The following GLYR1 variants were observed in gnomAD, a reference collection of about 807,000 sequenced individuals.
GLYR1 encodes cytokine-like nuclear factor N-PAC.
A neutral mutation model predicts 72.7 loss-of-function variants in GLYR1; 21 were observed. The observed-to-expected ratio is 0.29, with a 90% CI of 0.20 to 0.42. The LOEUF is 0.42. Ranked by LOEUF, GLYR1 falls within the 10% of genes least tolerant of loss-of-function variation. The pLI, the probability that GLYR1 is intolerant of heterozygous loss-of-function variation, is 1.00. For missense variants in GLYR1, 594 were observed against 712.1 expected, an observed-to-expected ratio of 0.83 and a Z score of 1.89; for synonymous variants, 392 against 270.2, an observed-to-expected ratio of 1.45 and a Z score of -4.42.
chr16:4,806,262 C>G (rs1300359259), intron 15 of GLYR1, among the ~76,000 whole-genome samples: 1 of 152,204 alleles, frequency 6.6e-6, no homozygotes, highest in Admixed American at 6.5e-5. Context: ...TTGAGAAACC[C>G]TGCCTTAAAG....
intron 5 of GLYR1, 68 bp downstream of exon 5, chr16:4,831,911 T>C (rs1328596887): frequency 4.5e-6 from 7 of 1,559,080 alleles, no homozygotes; most frequent in South Asian, 2.5e-5. Flanking sequence ...AAGCATACTG[T>C]AGAGCTTAAC....
chr16:4,832,298 T>C lies in GLYR1; in HGVS notation c.295-77A>G, dbSNP rs1416685361. On this transcript the variant is annotated intron_variant, in intron 4 of 15. Coordinates refer to ENST00000321919, the MANE Select transcript of GLYR1 (RefSeq NM_032569.4). ...TCGCCACCATCATTTACAGGTGCCA[T>C]GTGCTGCTACAGGCACTCTGTGTGG... 8 of 1,550,466 alleles carry C rather than the reference T, an allele frequency of 5.2e-6. No individual in the cohort carries two copies. In the South Asian group the frequency reaches 9.4e-5, roughly 18 times the overall value.
chr16:4,825,566 C>G (rs146734812), intron 5 of GLYR1, among the ~76,000 whole-genome samples: 327 of 152,316 alleles, frequency 2.1e-3, no homozygotes, highest in African/African-American at 7.6e-3. Flanking sequence ...ATAGGGCTTA[C>G]TATGTGCTAG....
Position 4,823,886 on chromosome 16 carries a change from T to C in GLYR1, c.559A>G (p.Ser187Gly). 6.2e-7 allele frequency: 1 copy of C among 1,614,048 alleles called. No homozygotes were observed. Among genetic ancestry groups the C allele is most frequent in the African/African-American group, 1.3e-5 (1 of 75,050 alleles). The change falls in exon 6 of 16, where the codon AGT becomes GGT. Residue 187 changes from serine (S) to glycine (G), a missense_variant. This residue lies in a region of GLYR1 where 252 missense variants were observed against 211.3 expected (regional missense o/e 1.19). Transcript: ENST00000321919. ...CCGGCCATCATCCCCTTCACGGTAC[T>C]AGACTCCGGGATGGTGAGATCCTAT... ...DEKDLTIPES[S>G]TVKGMMAGPM...
intron 5 of GLYR1, among the ~76,000 whole-genome samples, chr16:4,826,239 T>C (rs1392181474): frequency 1.3e-5 from 2 of 152,154 alleles, no homozygotes; most frequent in Non-Finnish European, 2.9e-5. Context: ...TTTTTGTAGA[T>C]GTATTATTTA....
intron 5 of GLYR1, among the ~76,000 whole-genome samples, chr16:4,827,667 G>A (rs774036709): frequency 2.8e-4 from 43 of 152,004 alleles, no homozygotes; most frequent in South Asian, 2.1e-4. Flanking sequence ...TTGGGAGGCC[G>A]AGGCAGGTGG....
At chr16:4,834,612 T>C (rs1438340047) in intron 3 of GLYR1, among the ~76,000 whole-genome samples, 1 of 152,130 alleles carries the variant, frequency 6.6e-6, no homozygotes, top group African/African-American at 2.4e-5. Context: ...ACTACAGGTA[T>C]GCACCACCAC....
chr16:4,828,992 T>C (rs941469389), intron 5 of GLYR1, among the ~76,000 whole-genome samples: 6 of 152,136 alleles, frequency 3.9e-5, no homozygotes, highest in Non-Finnish European at 8.8e-5. Context: ...AGATTCCTTT[T>C]GGATTCCAGG....
At chr16:4,818,005 T>G in intron 9 of GLYR1, 1 of 256,848 alleles carries the variant, frequency 3.9e-6, no homozygotes. Context: ...TGCTGCCCTT[T>G]TTTTTTTTTT....
chr16:4,817,683 C>A lies in GLYR1; in HGVS notation c.821G>T (p.Gly274Val). ...TPTDKKIGFLGLGLMGSGIVS... is the reference protein window; with the variant it reads ...TPTDKKIGFLVLGLMGSGIVS... Reference sequence around the variant, plus strand: ...GATTCCACTTCCCATGAGACCAAGGCCCAAAAATCCTATCCTGAAACAGAG... The same window carrying A: ...GATTCCACTTCCCATGAGACCAAGGACCAAAAATCCTATCCTGAAACAGAG... The change falls in exon 10 of 16, where the codon GGC becomes GTC. Residue 274 changes from glycine to valine, a missense_variant. By Grantham distance (109) the Gly-to-Val change is moderately radical (BLOSUM62 -3). Transcript: ENST00000321919. 6.2e-7 allele frequency: 1 copy of A among 1,610,340 alleles called. No homozygotes were observed. Among genetic ancestry groups the A allele is most frequent in the Non-Finnish European group, 8.5e-7 (1 of 1,176,612 alleles).
At position 4,813,617 on chromosome 16, in the gene GLYR1, C is replaced by A. The variant is rs1013355899; in HGVS notation, c.1119+120G>T. On this transcript the variant is annotated intron_variant, in intron 12 of 15. Transcript: ENST00000321919. ...GATAGGCTAGTCCCAAGGCTACTCG[C>A]CTCTCCTCTTCCCTCTCTGGCTTTG... The A allele has an allele frequency of 1.5e-5, 13 of 845,990 alleles. No homozygotes were observed. The African/African-American group carries it at 2.0e-4, about 13-fold the overall frequency. The allele number at this position is 845,990 out of a possible 1,614,324, so 52.4% of individuals were successfully genotyped here.
At position 4,837,935 on chromosome 16, in the gene GLYR1, AT is replaced by A. The variant is rs2085263608; in HGVS notation, c.156-5024del. Among the ~76,000 whole-genome samples, 439 of 65,650 alleles carry A rather than the reference AT, an allele frequency of 6.7e-3. 3 individuals are homozygous for A. Among genetic ancestry groups the A allele is most frequent in the Non-Finnish European group, 8.8e-3 (297 of 33,722 alleles). The allele number at this position is 65,650 out of a possible 152,430, so 43.1% of individuals were successfully genotyped here. ...ACAGAGCGAGACTCCATCTCAAAAA[AT>A]AAATAAATAAATAAATAAATAAATA... On this transcript the variant is annotated intron_variant, in intron 3 of 15. Transcript: ENST00000321919.
chr16:4,840,173 C>G (rs2085445223), intron 3 of GLYR1: 1 of 152,528 alleles, frequency 6.6e-6, no homozygotes, highest in African/African-American at 2.4e-5. Flanking sequence ...GCTCCTCACC[C>G]TGGTCCTAAC....
At chr16:4,829,479 T>C (rs947935131) in intron 5 of GLYR1, among the ~76,000 whole-genome samples, 3 of 151,484 alleles carry the variant, frequency 2.0e-5, no homozygotes, top group Non-Finnish European at 4.4e-5. Context: ...CTAGTACTTT[T>C]TGTTTCTTTT....
At chr16:4,811,846 A>T (rs1033049328) in intron 13 of GLYR1, 44 bp from the exon 14 acceptor site, 1 of 1,581,438 alleles carries the variant, frequency 6.3e-7, no homozygotes, top group Admixed American at 1.8e-5. Context: ...AGAATGCCAC[A>T]GACAGGGCTT....
At position 4,814,651 on chromosome 16, in the gene GLYR1, C is replaced by T. The variant is rs1476034142; in HGVS notation, c.907-4G>A. The T allele has an allele frequency of 6.2e-7, 1 of 1,606,038 alleles. No homozygotes were observed. The highest frequency in any genetic ancestry group is 8.5e-7 in the Non-Finnish European group (1 of 1,172,758). On this transcript the variant is annotated splice_polypyrimidine_tract_variant and splice_region_variant and intron_variant, in intron 10 of 15. Coordinates refer to ENST00000321919, the MANE Select transcript of GLYR1 (RefSeq NM_032569.4). ...CCTCCTGGATGAACAAATCACACTG[C>T]AAAAGTCACAGATCCTAACGTGAGC... is the stretch of plus-strand genomic sequence containing the variant.
rs1305776065 is a variant in GLYR1, at chr16:4,818,134, A to G, written c.807-437T>C. On this transcript the variant is annotated intron_variant, in intron 9 of 15. Coordinates refer to ENST00000321919, the MANE Select transcript of GLYR1 (RefSeq NM_032569.4). ...CTCAGCTTTCTGAGTAGCTGGGATTACAGGCGCACGCCACCATGCCCAGCT... is the reference window on the plus strand; with the variant it reads ...CTCAGCTTTCTGAGTAGCTGGGATTGCAGGCGCACGCCACCATGCCCAGCT... Among the ~76,000 whole-genome samples, 3 of 151,928 alleles carry G rather than the reference A, an allele frequency of 2.0e-5. No individual in the cohort carries two copies. In the East Asian group the frequency reaches 5.8e-4, roughly 29 times the overall value.
At position 4,831,948 on chromosome 16, in the gene GLYR1, T is replaced by C. The variant is rs749184476; in HGVS notation, c.537+31A>G. The C allele has an allele frequency of 1.2e-5, 20 of 1,605,014 alleles. No individual in the cohort carries two copies. In the East Asian group the frequency reaches 3.1e-4, roughly 25 times the overall value. ...CTACCTTGTACTAAAAGGACATCAC[T>C]AATCCCGGAAGCTGCAGAGAGAAAA... On this transcript the variant is annotated intron_variant, in intron 5 of 15. Transcript: ENST00000321919.
At chr16:4,817,929 C>A (rs1231304970) in intron 9 of GLYR1, 15 of 496,912 alleles carry the variant, frequency 3.0e-5, no homozygotes, top group Non-Finnish European at 7.3e-6. Context: ...TTTGAAACCC[C>A]TGACTGTCAC....
Sources: allele counts gnomAD v4.1 joint callset (sites outside exome capture counted in the v4.1 genomes callset), GRCh38; gene constraint gnomAD v4.1.1; regional missense constraint gnomAD v4.1.1; transcripts MANE v1.5; gene names NCBI Gene and HGNC (gene_info 2026-07-23, HGNC 2026-07-21).